Variants in PLXNA4 observed in about 807,000 individuals in gnomAD.
PLXNA4 encodes the protein plexin-A4.
PLXNA4 carries 44 observed loss-of-function variants against 191.8 expected under a neutral mutation model. That is an observed-to-expected ratio of 0.23 (90% confidence interval 0.18 to 0.29). The LOEUF (loss-of-function observed/expected upper bound fraction) is 0.29. PLXNA4 is among the 10% of genes least tolerant of loss of function. The pLI is 1.00. For synonymous variants in PLXNA4, 1,082 were observed against 1,009.5 expected (o/e 1.07, Z -1.36); for missense variants, 1,800 against 2,488.8 (o/e 0.72, Z 5.89).
chr7:132,203,830 G>A (rs1394577386), intron 10 of PLXNA4, among the ~76,000 whole-genome samples: 1 of 152,178 alleles, frequency 6.6e-6, no homozygotes, highest in African/African-American at 2.4e-5. Context: ...TGGTCCCTAG[G>A]CCCTCCCAAG....
At chr7:132,204,798 C>T (rs935601752) in intron 10 of PLXNA4, among the ~76,000 whole-genome samples, 4 of 152,158 alleles carry the variant, frequency 2.6e-5, no homozygotes, top group Non-Finnish European at 4.4e-5. Flanking sequence ...TTCTAATCTT[C>T]GATGCAGAAA....
intron 2 of PLXNA4, among the ~76,000 whole-genome samples, chr7:132,639,431 C>A (rs1330905894): frequency 6.6e-6 from 1 of 152,158 alleles, no homozygotes; most frequent in Non-Finnish European, 1.5e-5. Context: ...ACACTGACAT[C>A]ATTGTGTGTA....
intron 4 of PLXNA4, among the ~76,000 whole-genome samples, chr7:132,251,709 G>A (rs536553552): frequency 1.3e-5 from 2 of 152,322 alleles, no homozygotes; most frequent in South Asian, 2.1e-4. Context: ...CAGCCCAAGG[G>A]GGTGTGCCCA....
intron 1 of PLXNA4, among the ~76,000 whole-genome samples, chr7:132,543,144 T>A (rs1366667521): frequency 6.6e-6 from 1 of 152,250 alleles, no homozygotes; most frequent in African/African-American, 2.4e-5. Context: ...TATTGTTTGC[T>A]TCTACCAGGT....
At chr7:132,592,565 C>A (rs1563189067) in intron 2 of PLXNA4, among the ~76,000 whole-genome samples, 1 of 150,760 alleles carries the variant, frequency 6.6e-6, no homozygotes, top group Non-Finnish European at 1.5e-5. Flanking sequence ...TTTAAAAACC[C>A]ACATTAAATT....
chr7:132,457,705 T>C (rs1157295336), intron 3 of PLXNA4, among the ~76,000 whole-genome samples: 2 of 152,186 alleles, frequency 1.3e-5, no homozygotes, highest in East Asian at 3.9e-4. Context: ...CTAAATGCAA[T>C]TGCAAGTATT....
intron 3 of PLXNA4, among the ~76,000 whole-genome samples, chr7:132,471,722 G>C (rs182380221): frequency 8.3e-4 from 126 of 152,222 alleles, no homozygotes; most frequent in African/African-American, 2.9e-3. Flanking sequence ...CTTGGAGTGG[G>C]AGGAGGAGGA....
At position 132,164,987 on chromosome 7, in the gene PLXNA4, A is replaced by T. The variant is rs557656517; in HGVS notation, c.4353+147T>A. ...ACTGCAGGCCTCTGTCTTCCTAGAC[A>T]GTCCATGATAAGGATGAATTCCATT... On this transcript the variant is annotated intron_variant, in intron 23 of 31. Transcript: ENST00000321063. The T allele has an allele frequency of 5.6e-6, 7 of 1,240,638 alleles. No individual in the cohort carries two copies. In the East Asian group the frequency reaches 1.6e-4, roughly 28 times the overall value. The allele number at this position is 1,240,638 out of a possible 1,614,324, so 76.9% of individuals were successfully genotyped here. A position where few individuals can be genotyped will look rare whatever the true frequency, so the allele number is the denominator to read the frequency against.
At chr7:132,587,926 ATCT>A (rs1259765706) in intron 2 of PLXNA4, among the ~76,000 whole-genome samples, 4 of 150,994 alleles carry the variant, frequency 2.6e-5, no homozygotes, top group African/African-American at 9.8e-5. Context: ...TGGTTTTCAA[ATCT>A]TCTTCCCATT....
chr7:132,526,203 G>A (rs762044406), intron 1 of PLXNA4, among the ~76,000 whole-genome samples: 2 of 152,158 alleles, frequency 1.3e-5, no homozygotes, highest in African/African-American at 4.8e-5. Context: ...CAACGGGTGC[G>A]AGTGGTATAG....
In PLXNA4 at chr7:132,174,872, T is replaced by A; in HGVS notation, c.3923A>T (p.Asp1308Val). The A allele has an allele frequency of 6.2e-7, 1 of 1,614,192 alleles. No individual in the cohort carries two copies. Among genetic ancestry groups the A allele is most frequent in the Non-Finnish European group, 8.5e-7 (1 of 1,180,028 alleles). The stretch of plus-strand genomic sequence containing the variant: ...GTCCAGGAACGGAATCCCGGCTCCA[T>A]CCAGGTCACTGGTCAGCTCATGGAT... The part of the protein sequence containing the change: ...TDIHELTSDL[D>V]GAGIPFLDYR... The change falls in exon 21 of 32, where the codon GAT becomes GTT. Residue 1308 changes from aspartate to valine, a missense_variant. Around this residue, in one of 6 missense-constraint regions of PLXNA4, gnomAD observed 1,397 missense variants for 1,880.4 expected, o/e 0.74. Coordinates refer to ENST00000321063, the MANE Select transcript of PLXNA4 (RefSeq NM_020911.2).
chr7:132,394,452 T>C (rs775982486), intron 3 of PLXNA4, among the ~76,000 whole-genome samples: 1 of 152,188 alleles, frequency 6.6e-6, no homozygotes, highest in Non-Finnish European at 1.5e-5. Flanking sequence ...CTATATGACT[T>C]TGGGCAAGTC....
chr7:132,425,663 C>G (rs1029930556), intron 3 of PLXNA4, among the ~76,000 whole-genome samples: 1 of 152,034 alleles, frequency 6.6e-6, no homozygotes, highest in African/African-American at 2.4e-5. Flanking sequence ...GAAAATCATA[C>G]AAGGAGGAAG....
chr7:132,198,368 T>C, intron 13 of PLXNA4, 117 bp downstream of exon 13: 1 of 1,407,088 alleles, frequency 7.1e-7, no homozygotes, highest in South Asian at 1.5e-5. Flanking sequence ...ATTGGGGTGG[T>C]TCTCCTTTTT....
chr7:132,540,760 T>C (rs936049986), intron 1 of PLXNA4, among the ~76,000 whole-genome samples: 1 of 151,226 alleles, frequency 6.6e-6, no homozygotes, highest in African/African-American at 2.4e-5. Context: ...GCTAATTTTT[T>C]GTATTTTTAG....
chr7:132,574,770 C>G (rs1436232118), intron 1 of PLXNA4, among the ~76,000 whole-genome samples: 1 of 152,124 alleles, frequency 6.6e-6, no homozygotes, highest in Admixed American at 6.5e-5. Context: ...TTTGCAGGAG[C>G]TGAAAAAAGT....
chr7:132,571,536 C>G (rs1394142898), intron 1 of PLXNA4, among the ~76,000 whole-genome samples: 2 of 152,138 alleles, frequency 1.3e-5, no homozygotes, highest in Non-Finnish European at 2.9e-5. Flanking sequence ...GAACAAGTGT[C>G]AAGTACCTAC....
intron 25 of PLXNA4, among the ~76,000 whole-genome samples, chr7:132,151,804 T>C (rs570203915): frequency 1.3e-5 from 2 of 152,264 alleles, no homozygotes; most frequent in South Asian, 4.1e-4. Context: ...CCTACCCAGC[T>C]GAACCCAGAA....
intron 3 of PLXNA4, among the ~76,000 whole-genome samples, chr7:132,338,535 C>T (rs772254053): frequency 4.6e-5 from 7 of 152,202 alleles, no homozygotes; most frequent in African/African-American, 9.7e-5. Flanking sequence ...CTCAAAAATG[C>T]TGCCAGTGCA....
Sources: allele counts gnomAD v4.1 joint callset (sites outside exome capture counted in the v4.1 genomes callset), GRCh38; gene constraint gnomAD v4.1.1; regional missense constraint gnomAD v4.1.1; transcripts MANE v1.5; gene names NCBI Gene and HGNC (gene_info 2026-07-23, HGNC 2026-07-21).